Variants in YIPF6 observed in about 807,000 individuals in gnomAD.
The protein encoded by YIPF6 is Yip1 domain family member 6.
A neutral mutation model predicts 16.8 loss-of-function variants in YIPF6; 3 were observed. That is an observed-to-expected ratio of 0.18 (90% CI 0.08 to 0.46). The LOEUF (loss-of-function observed/expected upper bound fraction) is 0.46. Ranked by LOEUF, YIPF6 falls within the 20% of genes least tolerant of loss-of-function variation. The pLI, the probability that YIPF6 is intolerant of heterozygous loss-of-function variation, is 0.98. For synonymous variants in YIPF6, 67 were observed against 61.9 expected (o/e 1.08, Z -0.38); for missense variants, 145 against 184.9 (o/e 0.78, Z 1.25).
In YIPF6 at chrX:68,513,398, G is replaced by A; in HGVS notation, c.258G>A (p.Leu86=). The stretch of plus-strand genomic sequence containing the variant: ...ACCCAAGGAAAAGTAATACTCTTTT[G>A]AGAGATTGTAAGTATATGAGGTTTT... The part of the protein sequence containing the change: ...VLYPRKSNTL[L]RDWDLWGPLI... Residue 86 remains leucine, a synonymous_variant, in exon 3 of 7, where the codon TTG becomes TTA. Transcript: ENST00000462683. The A allele has an allele frequency of 8.4e-7, 1 of 1,197,431 alleles. No individual in the cohort carries two copies. Among genetic ancestry groups the A allele is most frequent in the Non-Finnish European group, 1.1e-6 (1 of 886,627 alleles).
At chrX:68,531,081 G>A (rs6525241) in intron 6 of YIPF6, among the ~76,000 whole-genome samples, 19,502 of 110,427 alleles carry the variant, frequency 0.18, 2,383 homozygotes, top group African/African-American at 0.42. Context: ...ACAGGCATAA[G>A]CTGTAGCACC....
Position 68,499,135 on chromosome X carries a change from A to G in YIPF6, c.57+12A>G. On this transcript the variant is annotated intron_variant, in intron 1 of 6. Coordinates refer to ENST00000462683, the MANE Select transcript of YIPF6 (RefSeq NM_173834.4). ...CGCCCAGGCCCCTGGTGAGCTTGGG[A>G]TCTGCGACAAAAGGGACCGAGGGTG... The G allele has an allele frequency of 3.4e-6, 4 of 1,176,977 alleles. No homozygotes were observed. The highest frequency in any genetic ancestry group is 4.6e-6 in the Non-Finnish European group (4 of 878,047).
In YIPF6 at chrX:68,532,206, A is replaced by G. The variant is rs2079174367; in HGVS notation, c.*207A>G. 1 of 365,085 alleles carries G rather than the reference A, an allele frequency of 2.7e-6. No homozygotes were observed. Among genetic ancestry groups the G allele is most frequent in the African/African-American group, 2.6e-5 (1 of 38,738 alleles). The allele number at this position is 365,085 out of a possible 1,213,427, so 30.1% of individuals were successfully genotyped here. On this transcript the variant is annotated 3_prime_UTR_variant, in exon 7 of 7. Coordinates refer to ENST00000462683, the MANE Select transcript of YIPF6 (RefSeq NM_173834.4). ...TGAAAGGCTGTTCTTTTCTCTCTTAATGTCATTTCTTTAAAAATACATGTG... is the reference window on the plus strand; with the variant it reads ...TGAAAGGCTGTTCTTTTCTCTCTTAGTGTCATTTCTTTAAAAATACATGTG...
chrX:68,513,570 A>G (rs764052397), intron 3 of YIPF6, 165 bp downstream of exon 3: 2 of 323,381 alleles, frequency 6.2e-6, no homozygotes, highest in South Asian at 1.0e-4. Context: ...GAAATTAAAA[A>G]TTGATTTTAT....
In YIPF6 at chrX:68,536,904, G is replaced by A. The variant is rs2079193596; in HGVS notation, c.*4905G>A. The A allele has an allele frequency of 8.9e-6, 1 of 112,227 alleles. No individual in the cohort carries two copies. 9.2% of individuals were successfully genotyped at this position (112,227 alleles called of 1,213,427 possible). A position where few individuals can be genotyped will look rare whatever the true frequency, so the allele number is the denominator to read the frequency against. On this transcript the variant is annotated 3_prime_UTR_variant, in exon 7 of 7. Transcript: ENST00000462683. ...CATCACAATTTAACTTGTCTATTCAGGTATTAATAGTCAAGGGATGCATCT... is the reference window on the plus strand; with the variant it reads ...CATCACAATTTAACTTGTCTATTCAAGTATTAATAGTCAAGGGATGCATCT...
rs748220630 is a variant in YIPF6 at position 68,519,411 on chromosome X, A to G, written c.308+599A>G. On this transcript the variant is annotated intron_variant, in intron 4 of 6. Coordinates refer to ENST00000462683, the MANE Select transcript of YIPF6 (RefSeq NM_173834.4). ...TGTGACTTTGGGCTACTAATAACCA[A>G]TGTTTGTATAATTTTTCCCAGTTTG... 5.4e-5 allele frequency among the ~76,000 whole-genome samples: 6 copies of G among 111,876 alleles called. No individual in the cohort carries two copies. In the East Asian group the frequency reaches 1.7e-3, roughly 31 times the overall value.
At chrX:68,505,418 A>G (rs925038790) in intron 1 of YIPF6, among the ~76,000 whole-genome samples, 2 of 111,448 alleles carry the variant, frequency 1.8e-5, no homozygotes, top group Non-Finnish European at 3.8e-5. Context: ...AAAACAAACC[A>G]AATGGGTTGG....
At chrX:68,505,442 T>C (rs958057233) in intron 1 of YIPF6, among the ~76,000 whole-genome samples, 14 of 111,948 alleles carry the variant, frequency 1.3e-4, no homozygotes, top group African/African-American at 3.9e-4. Flanking sequence ...ACGCATTACA[T>C]GCTGCAGAGT....
intron 3 of YIPF6, chrX:68,514,787 C>T (rs2079094946): frequency 8.9e-6 from 1 of 112,744 alleles, no homozygotes; most frequent in African/African-American, 3.2e-5. Context: ...GTTTGATTTT[C>T]AAGCCTATCA....
intron 1 of YIPF6, chrX:68,510,722 C>G (rs1158533567): frequency 9.0e-6 from 1 of 111,088 alleles, no homozygotes; most frequent in Non-Finnish European, 1.9e-5. Flanking sequence ...CAACCTTCAC[C>G]TCCCGGGTTC....
chrX:68,512,187 C>T (rs887105597), intron 2 of YIPF6, among the ~76,000 whole-genome samples: 1 of 111,569 alleles, frequency 9.0e-6, no homozygotes, highest in Non-Finnish European at 1.9e-5. Flanking sequence ...CAGCAAGGTG[C>T]GGTGGCTCGC....
At chrX:68,519,999 T>C (rs1256621715) in intron 4 of YIPF6, among the ~76,000 whole-genome samples, 1 of 111,996 alleles carries the variant, frequency 8.9e-6, no homozygotes, top group Non-Finnish European at 1.9e-5. Flanking sequence ...AAGTGACATA[T>C]CTAGTGACAG....
In YIPF6 at chrX:68,537,130, G is replaced by C. The variant is rs1602477082; in HGVS notation, c.*5131G>C. Reference sequence around the variant, plus strand: ...TGCTCTTGTTTACTCTGTTCTTTCAGAGCCTTTGTACTTTGCCATCACTGC... The same window carrying C: ...TGCTCTTGTTTACTCTGTTCTTTCACAGCCTTTGTACTTTGCCATCACTGC... On this transcript the variant is annotated 3_prime_UTR_variant, in exon 7 of 7. Coordinates refer to ENST00000462683, the MANE Select transcript of YIPF6 (RefSeq NM_173834.4). 1.8e-5 allele frequency: 2 copies of C among 112,133 alleles called. No homozygotes were observed. The highest frequency in any genetic ancestry group is 5.6e-4 in the East Asian group (2 of 3,579). 9.2% of individuals were successfully genotyped at this position (112,133 alleles called of 1,213,427 possible).
intron 6 of YIPF6, among the ~76,000 whole-genome samples, chrX:68,524,502 AAT>A (rs900171472): frequency 1.6e-3 from 172 of 104,771 alleles, no homozygotes; most frequent in African/African-American, 4.7e-3. Flanking sequence ...TTTGGCTAAA[AAT>A]ATATATATAT....
At chrX:68,521,889 T>C (rs751429935) in intron 5 of YIPF6, among the ~76,000 whole-genome samples, 2 of 111,080 alleles carry the variant, frequency 1.8e-5, no homozygotes, top group Admixed American at 1.9e-4. Context: ...CCACCATACC[T>C]GGCCTCATAT....
At chrX:68,521,578 T>A in intron 5 of YIPF6, 81 bp downstream of exon 5, 6 of 753,871 alleles carry the variant, frequency 8.0e-6, no homozygotes, top group Non-Finnish European at 1.0e-5. Context: ...CTAGCTAGAT[T>A]TTTTTTTTTT....
At chrX:68,523,488 A>G (rs1182786402) in intron 6 of YIPF6, among the ~76,000 whole-genome samples, 2 of 111,844 alleles carry the variant, frequency 1.8e-5, no homozygotes, top group African/African-American at 6.5e-5. Context: ...AACCTTTAAG[A>G]ACTATACTAT....
intron 1 of YIPF6, 66 bp downstream of exon 1, chrX:68,499,189 G>T (rs1246339143): frequency 8.9e-7 from 1 of 1,120,668 alleles, no homozygotes; most frequent in Admixed American, 3.4e-5. Context: ...AGAAGTCGGG[G>T]GACGGGCTCG....
chrX:68,530,797 C>T (rs966658185), intron 6 of YIPF6, among the ~76,000 whole-genome samples: 2 of 111,415 alleles, frequency 1.8e-5, no homozygotes, highest in East Asian at 2.9e-4. Flanking sequence ...GGGCTGCACC[C>T]ACTGTCTAAC....
Sources: allele counts gnomAD v4.1 joint callset (sites outside exome capture counted in the v4.1 genomes callset), GRCh38; gene constraint gnomAD v4.1.1; transcripts MANE v1.5; gene names NCBI Gene and HGNC (gene_info 2026-07-23, HGNC 2026-07-21).